The following CNTNAP3 variants were observed in gnomAD, a reference collection of about 807,000 sequenced individuals.
CNTNAP3 encodes the protein contactin associated protein family member 3, also known as contactin-associated protein-like 3.
In CNTNAP3, 36 loss-of-function variants were observed where a neutral mutation model predicts 92.1. That is an observed-to-expected ratio of 0.39 (90% CI 0.30 to 0.52). The LOEUF (loss-of-function observed/expected upper bound fraction) is 0.52, where lower values mean the gene tolerates loss of function less well. CNTNAP3 is among the 20% of genes least tolerant of loss of function. CNTNAP3 has a pLI of 0.76. For synonymous variants in CNTNAP3, 232 were observed against 422.3 expected (o/e 0.55, Z 5.53); for missense variants, 534 against 1,069.6 (o/e 0.50, Z 6.98).
rs1825604840 is a variant in CNTNAP3, at chr9:39,069,939, G to A, written c.*3951C>T. ...ATTGGTTCTCTCTTTACACATAATT[G>A]CCAAAACAGTGTTTACAAATACTTT... On this transcript the variant is annotated 3_prime_UTR_variant, in exon 24 of 24. Transcript: ENST00000297668. Among the ~76,000 whole-genome samples, 1 of 151,938 alleles carries A rather than the reference G, an allele frequency of 6.6e-6. No individual in the cohort carries two copies. The highest frequency in any genetic ancestry group is 2.1e-4 in the South Asian group (1 of 4,792).
intron 23 of CNTNAP3, among the ~76,000 whole-genome samples, chr9:39,074,249 G>C (rs941814847): frequency 1.3e-5 from 2 of 151,510 alleles, no homozygotes; most frequent in South Asian, 2.1e-4. Flanking sequence ...GGCTGGTCTC[G>C]AACTCCTGGG....
At position 39,065,894 on chromosome 9, in the gene CNTNAP3, T is replaced by A. The variant is rs1315762087; in HGVS notation, c.*7996A>T. Among the ~76,000 whole-genome samples the A allele has an allele frequency of 1.3e-5, 2 of 152,222 alleles. No homozygotes were observed. The highest frequency in any genetic ancestry group is 2.9e-5 in the Non-Finnish European group (2 of 68,016). ...TTCAAATAAAGTGTTGCAAATATTT[T>A]CTCCCAGTCTGTAGCTTGACTCTTA... On this transcript the variant is annotated 3_prime_UTR_variant, in exon 24 of 24. Transcript: ENST00000297668.
intron 14 of CNTNAP3, among the ~76,000 whole-genome samples, chr9:39,112,686 G>C (rs1043946051): frequency 5.3e-5 from 8 of 152,018 alleles, no homozygotes; most frequent in Non-Finnish European, 1.2e-4. Context: ...ATTATTTTGG[G>C]GGAGTAGGTC....
chr9:39,090,348 C>T (rs2118437211), intron 18 of CNTNAP3, among the ~76,000 whole-genome samples: 1 of 152,236 alleles, frequency 6.6e-6, no homozygotes, highest in South Asian at 2.1e-4. Flanking sequence ...CTTTTGTTCT[C>T]CCATGTTTTA....
At chr9:39,111,539 T>C (rs1826747875) in intron 14 of CNTNAP3, among the ~76,000 whole-genome samples, 1 of 152,132 alleles carries the variant, frequency 6.6e-6, no homozygotes, top group Non-Finnish European at 1.5e-5. Context: ...CATTCAGCTT[T>C]AGAGTGGATT....
chr9:39,088,034 A>G (rs530403336), intron 19 of CNTNAP3, among the ~76,000 whole-genome samples: 3 of 152,326 alleles, frequency 2.0e-5, no homozygotes, highest in Non-Finnish European at 2.9e-5. Context: ...TAGTTGTACT[A>G]TAACATCCAC....
intron 12 of CNTNAP3, among the ~76,000 whole-genome samples, chr9:39,134,461 G>GT: frequency 6.6e-6 from 1 of 151,626 alleles, no homozygotes; most frequent in Non-Finnish European, 1.5e-5. Flanking sequence ...GTCTCGCTCT[G>GT]TTGCCCAGGC....
rs955624406 is a variant in CNTNAP3, at chr9:39,105,316, A to G, written c.2366-1402T>C. ...GTGGTGGGTGCCTGTAGTCCCAGCT[A>G]CTCGGGAGGCTGAGGCAGGAGAATG... On this transcript the variant is annotated intron_variant, in intron 15 of 23. Transcript: ENST00000297668. Among the ~76,000 whole-genome samples the G allele has an allele frequency of 1.7e-4, 26 of 152,148 alleles. 1 individual carries two copies. Among genetic ancestry groups the G allele is most frequent in the Non-Finnish European group, 3.2e-4 (22 of 67,984 alleles).
At chr9:39,116,427 T>C (rs1820860442) in intron 14 of CNTNAP3, among the ~76,000 whole-genome samples, 1 of 152,034 alleles carries the variant, frequency 6.6e-6, no homozygotes. Context: ...TGAAGGTCGC[T>C]GTTTGTCTCA....
intron 19 of CNTNAP3, among the ~76,000 whole-genome samples, chr9:39,087,816 G>A (rs992170860): frequency 2.0e-5 from 3 of 152,046 alleles, no homozygotes; most frequent in African/African-American, 7.2e-5. Flanking sequence ...TTTTTTCTAG[G>A]CATGAAATTT....
At chr9:39,138,513 T>C (rs1821496453) in intron 12 of CNTNAP3, among the ~76,000 whole-genome samples, 1 of 152,350 alleles carries the variant, frequency 6.6e-6, no homozygotes, top group South Asian at 2.1e-4. Context: ...GGTGAAATAT[T>C]TGCCCTTGAG....
intron 13 of CNTNAP3, among the ~76,000 whole-genome samples, chr9:39,118,998 G>T (rs1820936323): frequency 1.3e-5 from 2 of 152,094 alleles, no homozygotes; most frequent in African/African-American, 4.8e-5. Flanking sequence ...CAGGGGTTGG[G>T]AGTGAAGATT....
At chr9:39,091,489 A>G (rs1018418693) in intron 18 of CNTNAP3, among the ~76,000 whole-genome samples, 4 of 152,086 alleles carry the variant, frequency 2.6e-5, no homozygotes, top group African/African-American at 9.6e-5. Flanking sequence ...AAGATATAGT[A>G]TATTATATTA....
chr9:39,107,478 G>A lies in CNTNAP3; in HGVS notation c.2365+1682C>T, dbSNP rs572998117. Among the ~76,000 whole-genome samples the A allele has an allele frequency of 2.6e-5, 4 of 152,132 alleles. No individual in the cohort carries two copies. The South Asian group carries it at 8.3e-4, about 32-fold the overall frequency. On this transcript the variant is annotated intron_variant, in intron 15 of 23. Coordinates refer to ENST00000297668, the MANE Select transcript of CNTNAP3 (RefSeq NM_033655.5). ...ACACAAGGAAAGAAAAATTTCATAAGAGTTTTACACTATGGGAATAATATA... is the reference window on the plus strand; with the variant it reads ...ACACAAGGAAAGAAAAATTTCATAAAAGTTTTACACTATGGGAATAATATA...
At chr9:39,105,189 A>G (rs1826569523) in intron 15 of CNTNAP3, among the ~76,000 whole-genome samples, 1 of 152,118 alleles carries the variant, frequency 6.6e-6, no homozygotes, top group South Asian at 2.1e-4. Context: ...GCACTTTGGG[A>G]GGCCAAGGCG....
At chr9:39,114,033 T>TACACACAC (rs765204575) in intron 14 of CNTNAP3, among the ~76,000 whole-genome samples, 36 of 143,484 alleles carry the variant, frequency 2.5e-4, no homozygotes, top group South Asian at 9.4e-4. Flanking sequence ...TACACACATA[T>TACACACAC]ATACACACAC....
rs1482347178 is a variant in CNTNAP3 at position 39,067,637 on chromosome 9, C to A, written c.*6253G>T. ...GGTCTCCATCTCCCGACCTCGTGAT[C>A]TGCCTGCCTCGACCTCCCAAAGTGC... On this transcript the variant is annotated 3_prime_UTR_variant, in exon 24 of 24. Coordinates refer to ENST00000297668, the MANE Select transcript of CNTNAP3 (RefSeq NM_033655.5). Among the ~76,000 whole-genome samples the A allele has an allele frequency of 3.2e-4, 48 of 152,042 alleles. No homozygotes were observed. Among genetic ancestry groups the A allele is most frequent in the African/African-American group, 1.1e-3 (47 of 41,256 alleles).
chr9:39,163,009 A>G (rs1466935281), intron 9 of CNTNAP3, among the ~76,000 whole-genome samples: 3 of 79,414 alleles, frequency 3.8e-5, no homozygotes, highest in Non-Finnish European at 7.1e-5. Context: ...TATTTTCTGA[A>G]GGAAATGGGA....
intron 15 of CNTNAP3, among the ~76,000 whole-genome samples, chr9:39,108,577 AAAG>A (rs1487066621): frequency 6.6e-6 from 1 of 152,168 alleles, no homozygotes; most frequent in Admixed American, 6.5e-5. Context: ...TTTCTCAGGG[AAAG>A]AAGATTTTTA....
Sources: gnomAD v4.1 joint callset for allele counts (sites outside exome capture counted in the v4.1 genomes callset) on GRCh38, gnomAD v4.1.1 for gene constraint, MANE v1.5 for transcripts, NCBI Gene and HGNC (gene_info 2026-07-23, HGNC 2026-07-21) for gene names.